ERC2: variants seen among roughly 807,000 people sequenced by gnomAD.
ERC2 encodes ELKS/RAB6-interacting/CAST family member 2.
Under a neutral mutation model 114.8 loss-of-function variants are expected in ERC2, and 42 were observed. The ratio of observed to expected loss-of-function variants is 0.37; its 90% CI spans 0.29 to 0.47. The LOEUF (loss-of-function observed/expected upper bound fraction) is 0.47, where lower values mean the gene tolerates loss of function less well. Ranked by LOEUF, ERC2 falls within the 20% of genes least tolerant of loss-of-function variation. The pLI, the probability that ERC2 is intolerant of heterozygous loss-of-function variation, is 0.99. For missense variants in ERC2, 939 were observed against 1,150.7 expected (o/e 0.82, Z 2.66); for synonymous variants, 454 against 425.5 (o/e 1.07, Z -0.82).
intron 2 of ERC2, among the ~76,000 whole-genome samples, chr3:56,427,452 G>A (rs1021815074): frequency 5.3e-5 from 8 of 152,170 alleles, no homozygotes; most frequent in Non-Finnish European, 1.0e-4. Context: ...CTGAAAGAGA[G>A]CATTTCATGT....
chr3:55,667,723 C>A (rs2061408728), intron 17 of ERC2, among the ~76,000 whole-genome samples: 1 of 152,056 alleles, frequency 6.6e-6, no homozygotes, highest in South Asian at 2.1e-4. Flanking sequence ...CCAACAAATC[C>A]AGGAGGCGTG....
At chr3:56,401,337 C>G (rs1269419819) in intron 2 of ERC2, among the ~76,000 whole-genome samples, 1 of 152,018 alleles carries the variant, frequency 6.6e-6, no homozygotes, top group African/African-American at 2.4e-5. Context: ...TGACTTAAAC[C>G]CAAATTCCCT....
chr3:55,734,182 G>A (rs2065477472), intron 15 of ERC2, among the ~76,000 whole-genome samples: 1 of 152,144 alleles, frequency 6.6e-6, no homozygotes, highest in Non-Finnish European at 1.5e-5. Flanking sequence ...TGAAAACACA[G>A]GATAACGGGG....
intron 1 of ERC2, among the ~76,000 whole-genome samples, chr3:56,439,423 G>A (rs1462626895): frequency 2.0e-5 from 3 of 152,176 alleles, no homozygotes; most frequent in Non-Finnish European, 4.4e-5. Flanking sequence ...TCCAGCCTGG[G>A]TGACAGAGGG....
chr3:56,337,895 A>T (rs2057922400), intron 2 of ERC2, among the ~76,000 whole-genome samples: 1 of 152,250 alleles, frequency 6.6e-6, no homozygotes, highest in Non-Finnish European at 1.5e-5. Context: ...AAATGATGGT[A>T]TATTTATATG....
chr3:56,213,409 C>T (rs192687423), intron 3 of ERC2, among the ~76,000 whole-genome samples: 11 of 152,184 alleles, frequency 7.2e-5, no homozygotes, highest in African/African-American at 2.2e-4. Context: ...CACGGAGCCT[C>T]GCTCATTGCT....
At position 56,409,287 on chromosome 3, in the gene ERC2, TA is replaced by T. The variant is rs1320637130; in HGVS notation, c.657+25063del. 2.6e-5 allele frequency among the ~76,000 whole-genome samples: 4 copies of T among 152,056 alleles called. No individual in the cohort carries two copies. In the East Asian group the frequency reaches 7.7e-4, roughly 29 times the overall value. ...TGTTTTTGTTTGTTTGTTTTATATT[TA>T]AAAAAATATAATCAAACTAATTGCC... On this transcript the variant is annotated intron_variant, in intron 2 of 17. Coordinates refer to ENST00000288221, the MANE Select transcript of ERC2 (RefSeq NM_015576.3).
intron 14 of ERC2, among the ~76,000 whole-genome samples, chr3:55,807,456 T>C (rs184497790): frequency 1.3e-5 from 2 of 152,100 alleles, no homozygotes; most frequent in African/African-American, 4.8e-5. Flanking sequence ...GTAAGCAGAG[T>C]TCTTCTGTAA....
intron 6 of ERC2, among the ~76,000 whole-genome samples, chr3:56,105,079 G>A (rs1393958317): frequency 6.6e-6 from 1 of 151,784 alleles, no homozygotes; most frequent in Non-Finnish European, 1.5e-5. Flanking sequence ...TCCAGGTAGA[G>A]GGAAGAGCCA....
intron 17 of ERC2, chr3:55,610,715 C>A (rs1346457080): frequency 6.6e-6 from 1 of 152,146 alleles, no homozygotes; most frequent in Non-Finnish European, 1.5e-5. Flanking sequence ...TCCAAAATAG[C>A]AATACTACTG....
chr3:56,295,855 C>A (rs1190427628), intron 3 of ERC2, among the ~76,000 whole-genome samples, 164 bp downstream of exon 3: 4 of 152,272 alleles, frequency 2.6e-5, no homozygotes, highest in Admixed American at 2.0e-4. Context: ...AAGACTAATA[C>A]AAAATTCCAG....
chr3:55,554,730 TC>T (rs1357415803), intron 17 of ERC2, among the ~76,000 whole-genome samples: 2 of 151,246 alleles, frequency 1.3e-5, no homozygotes, highest in Non-Finnish European at 1.5e-5. Flanking sequence ...CCTTCCCCCC[TC>T]CCCCCTTCCC....
Position 56,106,015 on chromosome 3 carries a change from CT to C in ERC2, c.1474-25032del, listed in dbSNP as rs201848464. Among the ~76,000 whole-genome samples the C allele has an allele frequency of 1.4e-3, 207 of 152,282 alleles. 4 individuals are homozygous for C. The East Asian group carries it at 0.015, about 11-fold the overall frequency. Reference sequence around the variant, plus strand: ...AATGCACAATTCAGGACTTATGTTTCTGGTACAGAAAGAAACTTGTAAGGCA... The same window carrying C: ...AATGCACAATTCAGGACTTATGTTTCGGTACAGAAAGAAACTTGTAAGGCA... On this transcript the variant is annotated intron_variant, in intron 6 of 17. Coordinates refer to ENST00000288221, the MANE Select transcript of ERC2 (RefSeq NM_015576.3).
intron 14 of ERC2, among the ~76,000 whole-genome samples, chr3:55,768,027 T>C (rs1383290387): frequency 6.6e-6 from 1 of 152,140 alleles, no homozygotes; most frequent in East Asian, 1.9e-4. Context: ...TGTTTAAAAG[T>C]GTGTAGCACC....
At chr3:55,532,065 C>T (rs1257527399) in intron 17 of ERC2, among the ~76,000 whole-genome samples, 1 of 152,218 alleles carries the variant, frequency 6.6e-6, no homozygotes, top group Non-Finnish European at 1.5e-5. Context: ...AGATCTTTGG[C>T]TTGAGCTACA....
intron 6 of ERC2, among the ~76,000 whole-genome samples, chr3:56,117,022 G>T (rs951290203): frequency 1.3e-5 from 2 of 152,204 alleles, no homozygotes; most frequent in Admixed American, 1.3e-4. Context: ...CAGTTGAGAA[G>T]GTTTTGGAAG....
At chr3:55,881,491 T>C (rs148004988) in intron 14 of ERC2, among the ~76,000 whole-genome samples, 1 of 152,324 alleles carries the variant, frequency 6.6e-6, no homozygotes, top group East Asian at 1.9e-4. Flanking sequence ...TATGTGACTA[T>C]TAAGCAGGTA....
intron 7 of ERC2, among the ~76,000 whole-genome samples, chr3:56,059,263 G>C (rs1023008814): frequency 2.0e-5 from 3 of 151,962 alleles, no homozygotes; most frequent in Admixed American, 6.6e-5. Flanking sequence ...GCTAATTTTT[G>C]TATTTTTAGT....
intron 6 of ERC2, among the ~76,000 whole-genome samples, chr3:56,127,648 A>G (rs1246002352): frequency 1.3e-5 from 2 of 151,784 alleles, no homozygotes; most frequent in Admixed American, 1.3e-4. Context: ...GCTTGAACCC[A>G]GGAGGCAGAG....
Sources: allele counts gnomAD v4.1 joint callset (sites outside exome capture counted in the v4.1 genomes callset), GRCh38; gene constraint gnomAD v4.1.1; transcripts MANE v1.5; gene names NCBI Gene and HGNC (gene_info 2026-07-23, HGNC 2026-07-21).